NCEH1: variants seen among roughly 807,000 people sequenced by gnomAD.
NCEH1 encodes the protein 2-acetyl MAGE hydrolase.
Under a neutral mutation model 25.4 loss-of-function variants are expected in NCEH1, and 9 were observed. The observed-to-expected ratio is 0.35, with a 90% CI of 0.21 to 0.62. The LOEUF is 0.62. Among genes scored for constraint, NCEH1 ranks in the 20% least tolerant of loss-of-function variants. NCEH1 has a pLI of 0.72. For missense variants in NCEH1, 412 were observed against 501.1 expected (o/e 0.82, Z 1.70); for synonymous variants, 200 against 199.8 (o/e 1.00, Z -0.01).
rs1334476492 is a variant in NCEH1, at chr3:172,648,029, C to G, written c.224G>C (p.Trp75Ser). The change falls in exon 2 of 5, where the codon TGG becomes TCG. Residue 75 changes from tryptophan to serine, a missense_variant. By Grantham distance (177) the Trp-to-Ser change is radical. Transcript: ENST00000475381. ...IIVSFGKKSA[W>S]SSAQVKVTDT... The stretch of plus-strand genomic sequence containing the variant: ...GGTCACCTTCACTTGGGCAGAAGAC[C>G]ACGCGCTTTTTTTGCCAAAAGAAAC... 1.2e-6 allele frequency: 2 copies of G among 1,614,110 alleles called. No individual in the cohort carries two copies.
intron 1 of NCEH1, among the ~76,000 whole-genome samples, chr3:172,666,166 T>A (rs1718197913): frequency 6.6e-6 from 1 of 152,232 alleles, no homozygotes. Context: ...CTGGCAAGCT[T>A]TGATATGCAA....
chr3:172,687,374 TTA>T (rs1247992463), intron 1 of NCEH1, among the ~76,000 whole-genome samples: 1 of 152,240 alleles, frequency 6.6e-6, no homozygotes, highest in East Asian at 1.9e-4. Context: ...GTCTCTAGGC[TTA>T]TGTTCCTGAT....
At position 172,683,260 on chromosome 3, in the gene NCEH1, A is replaced by G. The variant is rs1158783667; in HGVS notation, c.138+27587T>C. Among the ~76,000 whole-genome samples, 13 of 119,520 alleles carry G rather than the reference A, an allele frequency of 1.1e-4. 2 individuals carry two copies. The highest frequency in any genetic ancestry group is 2.2e-4 in the East Asian group (1 of 4,516). 78.4% of individuals were successfully genotyped at this position (119,520 alleles called of 152,430 possible). ...CTACTAAAAATACAAAAAATTAGCC[A>G]GGCGTAGTGGCGGGCGCCTGTAGTC... On this transcript the variant is annotated intron_variant, in intron 1 of 4. Transcript: ENST00000475381.
At chr3:172,701,442 C>G (rs1442715421) in intron 1 of NCEH1, among the ~76,000 whole-genome samples, 1 of 80,980 alleles carries the variant, frequency 1.2e-5, no homozygotes, top group African/African-American at 7.2e-5. Context: ...CCTAGATGGT[C>G]TTTTGCCTTT....
chr3:172,676,141 G>T (rs1577076823), intron 1 of NCEH1, among the ~76,000 whole-genome samples: 1 of 152,116 alleles, frequency 6.6e-6, no homozygotes, highest in East Asian at 1.9e-4. Flanking sequence ...TCTTGAGGGG[G>T]GAAATAATAC....
At chr3:172,677,336 A>G (rs1416251487) in intron 1 of NCEH1, among the ~76,000 whole-genome samples, 1 of 152,260 alleles carries the variant, frequency 6.6e-6, no homozygotes, top group Non-Finnish European at 1.5e-5. Context: ...TGATGTTTAT[A>G]GACATCTACT....
chr3:172,680,524 C>T (rs1160367962), intron 1 of NCEH1, among the ~76,000 whole-genome samples: 4 of 152,188 alleles, frequency 2.6e-5, no homozygotes, highest in Admixed American at 2.0e-4. Flanking sequence ...GGAGTCATCT[C>T]AGTATCCAGG....
chr3:172,650,185 T>A (rs1366632681), intron 1 of NCEH1, among the ~76,000 whole-genome samples: 2 of 152,150 alleles, frequency 1.3e-5, no homozygotes, highest in Non-Finnish European at 2.9e-5. Context: ...CACAGTGGTG[T>A]GGGGGTAGAA....
chr3:172,684,985 C>G (rs1358483019), intron 1 of NCEH1, among the ~76,000 whole-genome samples: 2 of 148,344 alleles, frequency 1.3e-5, no homozygotes, highest in Non-Finnish European at 2.9e-5. Flanking sequence ...ATCCCCCACT[C>G]CCATCCCCAA....
intron 3 of NCEH1, among the ~76,000 whole-genome samples, chr3:172,640,920 G>C (rs1056135306): frequency 2.0e-5 from 3 of 152,072 alleles, no homozygotes; most frequent in African/African-American, 7.2e-5. Flanking sequence ...TCTCACCTCT[G>C]CCTCCCTAAG....
intron 1 of NCEH1, among the ~76,000 whole-genome samples, chr3:172,692,537 A>C (rs1431442660): frequency 8.6e-6 from 1 of 116,146 alleles, no homozygotes; most frequent in African/African-American, 4.1e-5. Flanking sequence ...TTTTTTTTTT[A>C]ATTTTTTTGT....
Position 172,706,747 on chromosome 3 carries a change from C to T in NCEH1, c.138+4100G>A, listed in dbSNP as rs139987852. Among the ~76,000 whole-genome samples the T allele has an allele frequency of 4.1e-4, 63 of 152,070 alleles. 1 individual carries two copies. In the East Asian group the frequency reaches 0.011, roughly 28 times the overall value. On this transcript the variant is annotated intron_variant, in intron 1 of 4. Coordinates refer to ENST00000475381, the MANE Select transcript of NCEH1 (RefSeq NM_020792.6). ...AACTCCTGACCTCAGGTAACCCGCC[C>T]GCCTCGACCTCCCACAGTGCTAGGA...
intron 1 of NCEH1, among the ~76,000 whole-genome samples, chr3:172,708,950 T>C (rs1714154719): frequency 6.6e-6 from 1 of 152,234 alleles, no homozygotes; most frequent in Admixed American, 6.5e-5. Context: ...TATGTTTCCA[T>C]CTGATCATAA....
At chr3:172,692,467 C>T (rs549117600) in intron 1 of NCEH1, among the ~76,000 whole-genome samples, 1 of 152,224 alleles carries the variant, frequency 6.6e-6, no homozygotes, top group African/African-American at 2.4e-5. Context: ...AAGTGATTCT[C>T]CCACTTCAGC....
chr3:172,665,638 C>T (rs751122370), intron 1 of NCEH1, among the ~76,000 whole-genome samples: 21 of 152,224 alleles, frequency 1.4e-4, no homozygotes, highest in Non-Finnish European at 2.8e-4. Context: ...GTGGGCTCCA[C>T]CCAGTTCGAG....
intron 1 of NCEH1, among the ~76,000 whole-genome samples, chr3:172,653,436 T>G (rs1181833664): frequency 6.6e-6 from 1 of 152,190 alleles, no homozygotes; most frequent in East Asian, 1.9e-4. Context: ...CAGAGAACTT[T>G]GTAGGGGAGA....
chr3:172,699,894 T>A (rs984722799), intron 1 of NCEH1, among the ~76,000 whole-genome samples: 3 of 152,144 alleles, frequency 2.0e-5, no homozygotes, highest in Non-Finnish European at 4.4e-5. Context: ...TGACCTAGCA[T>A]GATTATTAAT....
At chr3:172,645,213 G>A (rs745682305) in intron 3 of NCEH1, among the ~76,000 whole-genome samples, 3 of 152,000 alleles carry the variant, frequency 2.0e-5, no homozygotes, top group African/African-American at 4.8e-5. Context: ...TGTTGAACAC[G>A]TATTTCTGTT....
chr3:172,641,112 T>C (rs578117007), intron 3 of NCEH1, among the ~76,000 whole-genome samples: 20 of 151,968 alleles, frequency 1.3e-4, no homozygotes, highest in African/African-American at 4.6e-4. Flanking sequence ...AATAAATAAA[T>C]AAAAAATACA....
Sources: allele counts gnomAD v4.1 joint callset (sites outside exome capture counted in the v4.1 genomes callset), GRCh38; gene constraint gnomAD v4.1.1; transcripts MANE v1.5; gene names NCBI Gene and HGNC (gene_info 2026-07-23, HGNC 2026-07-21).